NRG1: variants seen among roughly 807,000 people sequenced by gnomAD.
NRG1 encodes pro-neuregulin-1, membrane-bound isoform.
Under a neutral mutation model 63.8 loss-of-function variants are expected in NRG1, and 18 were observed. The ratio of observed to expected loss-of-function variants is 0.28; its 90% CI spans 0.19 to 0.42. NRG1 has a LOEUF of 0.42. Ranked by LOEUF, NRG1 falls within the 10% of genes least tolerant of loss-of-function variation. The pLI, the probability that NRG1 is intolerant of heterozygous loss-of-function variation, is 1.00. For missense variants in NRG1, 762 were observed against 814.7 expected, an observed-to-expected ratio of 0.94 and a Z score of 0.79; for synonymous variants, 302 against 301.3, an observed-to-expected ratio of 1.00 and a Z score of -0.02.
chr8:31,708,815 C>G (rs1391743979), intron 1 of NRG1, among the ~76,000 whole-genome samples: 1 of 152,098 alleles, frequency 6.6e-6, no homozygotes, highest in African/African-American at 2.4e-5. Context: ...TACCATGACT[C>G]CACATTTATA....
At chr8:32,759,563 A>C in intron 10 of NRG1, 127 bp downstream of exon 10, 2 of 1,175,298 alleles carry the variant, frequency 1.7e-6, no homozygotes, top group Non-Finnish European at 2.3e-6. Flanking sequence ...AGATTTTGAA[A>C]ATCAACTGGC....
chr8:32,407,820 T>C (rs866666005), intron 1 of NRG1, among the ~76,000 whole-genome samples: 1 of 152,114 alleles, frequency 6.6e-6, no homozygotes. Context: ...TTTTTTAAAA[T>C]CAAAATATGC....
intron 5 of NRG1, among the ~76,000 whole-genome samples, chr8:32,658,767 C>T (rs1802115955): frequency 6.6e-6 from 1 of 152,164 alleles, no homozygotes; most frequent in Non-Finnish European, 1.5e-5. Context: ...TTCTGCACTT[C>T]TGATGTATAG....
chr8:32,189,919 TC>T, intron 1 of NRG1, among the ~76,000 whole-genome samples: 1 of 152,302 alleles, frequency 6.6e-6, no homozygotes, highest in African/African-American at 2.4e-5. Context: ...GGAGACATCA[TC>T]AGTGCTCATG....
At chr8:32,040,061 CTCTT>C (rs891898767) in intron 1 of NRG1, among the ~76,000 whole-genome samples, 1 of 152,154 alleles carries the variant, frequency 6.6e-6, no homozygotes, top group African/African-American at 2.4e-5. Flanking sequence ...AAAAAACAGA[CTCTT>C]TCTAGTCATG....
In NRG1 at chr8:31,682,578, G is replaced by A. The variant is rs190149737; in HGVS notation, c.37+43147G>A. Among the ~76,000 whole-genome samples, 477 of 152,084 alleles carry A rather than the reference G, an allele frequency of 3.1e-3. 2 individuals carry two copies. The highest frequency in any genetic ancestry group is 0.021 in the South Asian group (101 of 4,820). ...CAAGCACTGGGGAAACTGGGTGGAG[G>A]GCACATGAAGCTTCTCCATACTATT... On this transcript the variant is annotated intron_variant, in intron 1 of 10. Transcript: ENST00000519301.
chr8:31,669,213 A>G (rs1418571048), intron 1 of NRG1, among the ~76,000 whole-genome samples: 1 of 148,726 alleles, frequency 6.7e-6, no homozygotes, highest in Non-Finnish European at 1.5e-5. Flanking sequence ...GGCCTGCAGC[A>G]CCATGCCAAT....
At chr8:32,449,888 C>A (rs1004016658) in intron 1 of NRG1, among the ~76,000 whole-genome samples, 1 of 152,144 alleles carries the variant, frequency 6.6e-6, no homozygotes, top group African/African-American at 2.4e-5. Context: ...TCAGATACAA[C>A]CTATGCAATC....
At chr8:32,459,381 A>G (rs1369546872) in intron 1 of NRG1, among the ~76,000 whole-genome samples, 5 of 151,982 alleles carry the variant, frequency 3.3e-5, no homozygotes, top group Non-Finnish European at 7.4e-5. Context: ...ACTCTCTTGC[A>G]TAGTTTAGCG....
chr8:31,799,526 A>G (rs1364577561), intron 1 of NRG1, among the ~76,000 whole-genome samples: 1 of 152,132 alleles, frequency 6.6e-6, no homozygotes, highest in Non-Finnish European at 1.5e-5. Flanking sequence ...CATGATTCCA[A>G]CCAGTTAACA....
At chr8:31,965,486 G>A (rs907446295) in intron 1 of NRG1, among the ~76,000 whole-genome samples, 1 of 152,054 alleles carries the variant, frequency 6.6e-6, no homozygotes, top group Non-Finnish European at 1.5e-5. Context: ...GCCTCTCAAA[G>A]TGCTGGGATT....
chr8:31,653,107 G>A (rs79260187), intron 1 of NRG1, among the ~76,000 whole-genome samples: 3,326 of 147,736 alleles, frequency 0.023, 66 homozygotes, highest in Middle Eastern at 0.036. Flanking sequence ...ACTCTATGTA[G>A]CTAAACGTTA....
At chr8:32,157,723 T>G (rs79127101) in intron 1 of NRG1, among the ~76,000 whole-genome samples, 2,096 of 150,410 alleles carry the variant, frequency 0.014, 52 homozygotes, top group African/African-American at 0.046. Context: ...TATCTATATA[T>G]AGAGAGAATA....
chr8:32,076,268 G>A (rs1223274403), intron 1 of NRG1, among the ~76,000 whole-genome samples: 2 of 152,298 alleles, frequency 1.3e-5, no homozygotes, highest in African/African-American at 4.8e-5. Flanking sequence ...TAGAAATGCA[G>A]CAGTTTTATT....
intron 1 of NRG1, among the ~76,000 whole-genome samples, chr8:32,504,845 A>C (rs1016722908): frequency 6.6e-6 from 1 of 152,188 alleles, no homozygotes; most frequent in African/African-American, 2.4e-5. Flanking sequence ...ATAATAATTT[A>C]ATGTAGACAG....
intron 1 of NRG1, among the ~76,000 whole-genome samples, chr8:31,857,818 A>G (rs34496224): frequency 0.32 from 48,268 of 152,118 alleles, 8,603 homozygotes; most frequent in East Asian, 0.74. Flanking sequence ...ATGGGTCATA[A>G]AGCAATGGAG....
intron 1 of NRG1, among the ~76,000 whole-genome samples, chr8:32,465,976 G>A (rs1431109897): frequency 6.6e-6 from 1 of 152,096 alleles, no homozygotes; most frequent in African/African-American, 2.4e-5. Flanking sequence ...CTACAGTGAT[G>A]AGCCTTCAGA....
chr8:32,029,575 C>A (rs1203317085), intron 1 of NRG1: 1 of 152,196 alleles, frequency 6.6e-6, no homozygotes, highest in African/African-American at 2.4e-5. Context: ...AGCTAGGCTG[C>A]TGTGATTGGC....
chr8:32,129,717 A>G (rs1834555797), intron 1 of NRG1, among the ~76,000 whole-genome samples: 1 of 151,964 alleles, frequency 6.6e-6, no homozygotes, highest in South Asian at 2.1e-4. Context: ...TCCCCAGATC[A>G]CGATAAAAAG....
Sources: allele counts gnomAD v4.1 joint callset (sites outside exome capture counted in the v4.1 genomes callset), GRCh38; gene constraint gnomAD v4.1.1; transcripts MANE v1.5; gene names NCBI Gene and HGNC (gene_info 2026-07-23, HGNC 2026-07-21).